PRKCQ: variants seen among roughly 807,000 people sequenced by gnomAD.
PRKCQ encodes the protein protein kinase C theta type.
In PRKCQ, 41 loss-of-function variants were observed where a neutral mutation model predicts 91.2. That is an observed-to-expected ratio of 0.45 (90% CI 0.35 to 0.58). PRKCQ has a LOEUF of 0.58. PRKCQ is among the 20% of genes least tolerant of loss of function. The pLI, the probability that PRKCQ is intolerant of heterozygous loss-of-function variation, is 0.00. For synonymous variants in PRKCQ, 307 were observed against 316.9 expected, an observed-to-expected ratio of 0.97 and a Z score of 0.33; for missense variants, 673 against 896.5, an observed-to-expected ratio of 0.75 and a Z score of 3.18.
chr10:6,520,402 T>G (rs942976096), intron 1 of PRKCQ, among the ~76,000 whole-genome samples: 6 of 152,176 alleles, frequency 3.9e-5, no homozygotes, highest in African/African-American at 1.4e-4. Context: ...TTACCCTGCC[T>G]CCTCTGTCCA....
intron 1 of PRKCQ, among the ~76,000 whole-genome samples, chr10:6,553,504 A>T (rs1461138787): frequency 3.4e-5 from 5 of 145,502 alleles, no homozygotes; most frequent in Non-Finnish European, 7.5e-5. Flanking sequence ...AAAAAAAAAA[A>T]AAAAAAAAAA....
chr10:6,482,565 C>T (rs1346456633), intron 11 of PRKCQ, among the ~76,000 whole-genome samples: 2 of 152,198 alleles, frequency 1.3e-5, no homozygotes, highest in Non-Finnish European at 2.9e-5. Flanking sequence ...TGGTGAACTT[C>T]CATCCTCCAG....
At chr10:6,442,706 A>T (rs947149110) in intron 15 of PRKCQ, among the ~76,000 whole-genome samples, 1 of 152,194 alleles carries the variant, frequency 6.6e-6, no homozygotes, top group African/African-American at 2.4e-5. Context: ...TCACTCCTGT[A>T]ATTCCAGCAC....
At chr10:6,560,769 G>A (rs1315089728) in intron 1 of PRKCQ, among the ~76,000 whole-genome samples, 1 of 152,176 alleles carries the variant, frequency 6.6e-6, no homozygotes, top group Non-Finnish European at 1.5e-5. Context: ...GCCAGGCGCG[G>A]TGTCTCATGT....
At chr10:6,446,308 T>C (rs1414912407) in intron 15 of PRKCQ, among the ~76,000 whole-genome samples, 1 of 151,518 alleles carries the variant, frequency 6.6e-6, no homozygotes, top group Non-Finnish European at 1.5e-5. Flanking sequence ...CATAGCATAA[T>C]GTGCCTCTTG....
At chr10:6,572,503 TGTTA>T (rs1841083534) in intron 1 of PRKCQ, among the ~76,000 whole-genome samples, 1 of 152,290 alleles carries the variant, frequency 6.6e-6, no homozygotes, top group African/African-American at 2.4e-5. Flanking sequence ...TCTGCTCCTG[TGTTA>T]GTTTGCTGAG....
the PRKCQ span, among the ~76,000 whole-genome samples, chr10:6,417,911 A>G: frequency 2.0e-5 from 3 of 151,974 alleles, no homozygotes; most frequent in East Asian, 5.8e-4. Context: ...CACTTCCACC[A>G]CCTCCCAGAG....
chr10:6,558,421 A>C (rs1390756715), intron 1 of PRKCQ, among the ~76,000 whole-genome samples: 1 of 152,242 alleles, frequency 6.6e-6, no homozygotes, highest in Non-Finnish European at 1.5e-5. Flanking sequence ...GAGGAGTTAC[A>C]TACTGAAACC....
At chr10:6,394,707 A>C in the PRKCQ span, among the ~76,000 whole-genome samples, 1 of 142,804 alleles carries the variant, frequency 7.0e-6, no homozygotes, top group African/African-American at 2.9e-5. Flanking sequence ...GAAAAGGGCA[A>C]GTTACAGTTG....
intron 4 of PRKCQ, among the ~76,000 whole-genome samples, chr10:6,501,700 T>C (rs1387622382): frequency 6.6e-6 from 1 of 152,008 alleles, no homozygotes; most frequent in South Asian, 2.1e-4. Context: ...GGAACATGCT[T>C]GTAATCCCAG....
rs182733687 is a variant in PRKCQ at position 6,465,211 on chromosome 10, C to T, written c.1354-807G>A. Among the ~76,000 whole-genome samples, 83 of 152,160 alleles carry T rather than the reference C, an allele frequency of 5.5e-4. No homozygotes were observed. The highest frequency in any genetic ancestry group is 1.9e-3 in the African/African-American group (77 of 41,496). ...GTGGGCGTGGCGTGGGGGGAGTGGG[C>T]GGGTCATGTCAGTCATTCCTCCCTG... is the stretch of plus-strand genomic sequence containing the variant. On this transcript the variant is annotated intron_variant, in intron 12 of 17. Coordinates refer to ENST00000263125, the MANE Select transcript of PRKCQ (RefSeq NM_006257.5). The surrounding 1 kb of genome is among the most constrained non-coding windows in gnomAD (Gnocchi z 4.4).
intron 1 of PRKCQ, among the ~76,000 whole-genome samples, chr10:6,534,703 C>A (rs2130905605): frequency 6.7e-6 from 1 of 149,388 alleles, no homozygotes; most frequent in East Asian, 1.9e-4. Context: ...TATTTTATAA[C>A]CAGTGGCTTA....
chr10:6,535,101 T>C (rs1839531515), intron 1 of PRKCQ, among the ~76,000 whole-genome samples: 1 of 152,218 alleles, frequency 6.6e-6, no homozygotes, highest in African/African-American at 2.4e-5. Context: ...AGCTTGTAAG[T>C]AACCTGGCTC....
chr10:6,427,979 C>T lies in PRKCQ; in HGVS notation c.*228G>A, dbSNP rs993852780. ...ACTATGGTTAGTAATGACCTAACTT[C>T]AGGAGCGTCTGTGAGACATGTCAGG... On this transcript the variant is annotated 3_prime_UTR_variant, in exon 18 of 18. Transcript: ENST00000263125. 18 of 554,992 alleles carry T rather than the reference C, an allele frequency of 3.2e-5. No homozygotes were observed. Among genetic ancestry groups the T allele is most frequent in the African/African-American group, 2.5e-4 (13 of 52,732 alleles). 34.4% of individuals were successfully genotyped at this position (554,992 alleles called of 1,614,324 possible).
At chr10:6,569,258 G>C (rs146420806) in intron 1 of PRKCQ, among the ~76,000 whole-genome samples, 28 of 152,216 alleles carry the variant, frequency 1.8e-4, no homozygotes, top group South Asian at 2.1e-4. Flanking sequence ...GTGGAAGAAA[G>C]CCAAGTCCTG....
At position 6,491,703 on chromosome 10, in the gene PRKCQ, C is replaced by T. The variant is rs780298249; in HGVS notation, c.770G>A (p.Arg257Gln). The T allele has an allele frequency of 6.8e-5, 109 of 1,614,190 alleles. No individual in the cohort carries two copies. The highest frequency in any genetic ancestry group is 8.9e-5 in the Non-Finnish European group (105 of 1,180,028). Residue 257 changes from arginine (R) to glutamine (Q), a missense_variant, in exon 8 of 18, where the codon CGG becomes CAG. Transcript: ENST00000263125. ...HCGTLLWGLA[R>Q]QGLKCDACGM... ...CTCACCATCACACTTGAGTCCTTGC[C>T]GTGCCAGTCCCCACAGCAGGGTCCC... is the stretch of plus-strand genomic sequence containing the variant.
the PRKCQ span, among the ~76,000 whole-genome samples, chr10:6,395,361 G>A: frequency 6.6e-6 from 1 of 152,072 alleles, no homozygotes; most frequent in Non-Finnish European, 1.5e-5. Flanking sequence ...AGCGCGCCCG[G>A]CCGGCTGGAG....
At chr10:6,397,230 G>T in the PRKCQ span, among the ~76,000 whole-genome samples, 57,856 of 151,924 alleles carry the variant, frequency 0.38, 13,106 homozygotes, top group East Asian at 0.81. Flanking sequence ...CCGAGTAGCT[G>T]GGATTACAGG....
intron 1 of PRKCQ, among the ~76,000 whole-genome samples, chr10:6,544,911 C>T (rs1482312362): frequency 3.3e-5 from 5 of 152,038 alleles, no homozygotes; most frequent in Non-Finnish European, 7.4e-5. Flanking sequence ...TGAGCCACTG[C>T]GCCCAGACCC....
Sources: gnomAD v4.1 joint callset for allele counts (sites outside exome capture counted in the v4.1 genomes callset) on GRCh38, gnomAD v4.1.1 for gene constraint, Gnocchi (gnomAD v3.1) non-coding constraint, MANE v1.5 for transcripts, NCBI Gene and HGNC (gene_info 2026-07-23, HGNC 2026-07-21) for gene names.